ANKEF1: variants seen among roughly 807,000 people sequenced by gnomAD.
ANKEF1 encodes the protein ankyrin repeat and EF-hand domain containing 1, also known as ankyrin repeat and EF-hand domain-containing protein 1.
In ANKEF1, 43 loss-of-function variants were observed where a neutral mutation model predicts 65.1. That is an observed-to-expected ratio of 0.66 (90% CI 0.52 to 0.85). The LOEUF is 0.85. ANKEF1 is among the 40% of genes least tolerant of loss of function. The probability of loss-of-function intolerance (pLI) is 0.00; values close to 1 mark genes in which losing one functional copy is unlikely to be tolerated. For synonymous variants in ANKEF1, 316 were observed against 341.5 expected, an observed-to-expected ratio of 0.93 and a Z score of 0.82; for missense variants, 934 against 952.9, an observed-to-expected ratio of 0.98 and a Z score of 0.26.
chr20:10,049,618 G>T lies in ANKEF1; in HGVS notation c.1049G>T (p.Gly350Val). The change falls in exon 7 of 11, where the codon GGT becomes GTT. Residue 350 changes from glycine to valine, a missense_variant. Transcript: ENST00000378392. ...GAAGCCTTTGCGGTTTTAGACAGGG[G>T]TGATGGAAGCATCAGCAAGAACGAC... is the stretch of plus-strand genomic sequence containing the variant. ...LREAFAVLDR[G>V]DGSISKNDFV... The T allele has an allele frequency of 6.2e-7, 1 of 1,614,152 alleles. No individual in the cohort carries two copies. The highest frequency in any genetic ancestry group is 1.3e-5 in the African/African-American group (1 of 75,024).
At chr20:10,052,379 C>T (rs1045445236) in intron 8 of ANKEF1, among the ~76,000 whole-genome samples, 1 of 152,154 alleles carries the variant, frequency 6.6e-6, no homozygotes, top group Non-Finnish European at 1.5e-5. Context: ...ACCCTATAGA[C>T]TTTGGGTTTC....
At chr20:10,046,741 C>A (rs115021616) in intron 6 of ANKEF1, among the ~76,000 whole-genome samples, 2,051 of 152,184 alleles carry the variant, frequency 0.013, 41 homozygotes, top group African/African-American at 0.046. Context: ...TTAAAGTTCA[C>A]CAACTCTATA....
rs779921230 is a variant in ANKEF1, at chr20:10,049,560, G to A, written c.991G>A (p.Asp331Asn). The A allele has an allele frequency of 3.7e-6, 6 of 1,614,122 alleles. No individual in the cohort carries two copies. The highest frequency in any genetic ancestry group is 5.1e-6 in the Non-Finnish European group (6 of 1,180,020). ...PNPLWALRLHDWSVEREAFLR... is the reference protein window; with the variant it reads ...PNPLWALRLHNWSVEREAFLR... Reference sequence around the variant, plus strand: ...TCCACTGTGGGCCCTTAGACTGCACGATTGGTCCGTAGAACGTGAGGCTTT... The same window carrying A: ...TCCACTGTGGGCCCTTAGACTGCACAATTGGTCCGTAGAACGTGAGGCTTT... The change falls in exon 7 of 11, where the codon GAT becomes AAT. Residue 331 changes from aspartate to asparagine, a missense_variant. Transcript: ENST00000378392.
chr20:10,041,583 A>G (rs1231719535), intron 3 of ANKEF1, among the ~76,000 whole-genome samples: 4 of 152,158 alleles, frequency 2.6e-5, no homozygotes, highest in African/African-American at 9.7e-5. Flanking sequence ...TGCTTTACAT[A>G]ATATCTCAGT....
chr20:10,050,780 G>A (rs1984814799), intron 7 of ANKEF1, among the ~76,000 whole-genome samples: 1 of 152,290 alleles, frequency 6.6e-6, no homozygotes, highest in South Asian at 2.1e-4. Flanking sequence ...ATGGTGTGGA[G>A]TCACTTTTTA....
intron 8 of ANKEF1, 96 bp from the exon 9 acceptor site, chr20:10,053,014 TAG>T: frequency 8.0e-7 from 1 of 1,249,532 alleles, no homozygotes; most frequent in Non-Finnish European, 1.1e-6. Context: ...TCACCCTTAT[TAG>T]GGCAGGCTTA....
At position 10,056,943 on chromosome 20, in the gene ANKEF1, A is replaced by G. The variant is rs1236197920; in HGVS notation, c.*1283A>G. The G allele has an allele frequency of 6.6e-6, 1 of 152,198 alleles. No individual in the cohort carries two copies. Among genetic ancestry groups the G allele is most frequent in the Non-Finnish European group, 1.5e-5 (1 of 68,046 alleles). 9.4% of individuals were successfully genotyped at this position (152,198 alleles called of 1,614,324 possible). ...TTTGATTGAGTTACTGGGTGCTACA[A>G]CCTAGCCAAGTTGAGTCATAAAACT... On this transcript the variant is annotated 3_prime_UTR_variant, in exon 11 of 11. Transcript: ENST00000378392.
chr20:10,040,090 T>C (rs1984091697), intron 3 of ANKEF1, among the ~76,000 whole-genome samples: 2 of 152,130 alleles, frequency 1.3e-5, no homozygotes, highest in African/African-American at 4.8e-5. Context: ...AGGAAACAAA[T>C]CTCATGGGCA....
Position 10,044,403 on chromosome 20 carries a change from C to T in ANKEF1, c.556C>T (p.Arg186Cys), listed in dbSNP as rs139757926. ...ACTATTTCATGTCCAGTCCACAGGC[C>T]GCACAGCTTTAATGGAAGCGTCAAG... The part of the protein sequence containing the change: ...NPNAINSSTG[R>C]TALMEASREG... The change falls in exon 5 of 11, where the codon CGC becomes TGC. Residue 186 changes from arginine (R) to cysteine (C), a missense_variant. By Grantham distance (180) the Arg-to-Cys change is radical. Coordinates refer to ENST00000378392, the MANE Select transcript of ANKEF1 (RefSeq NM_022096.6). The T allele has an allele frequency of 3.5e-5, 57 of 1,613,766 alleles. No homozygotes were observed. The highest frequency in any genetic ancestry group is 8.0e-5 in the African/African-American group (6 of 74,874).
chr20:10,049,241 A>G lies in ANKEF1; in HGVS notation c.821-149A>G, dbSNP rs1984689064. 5.4e-6 allele frequency: 4 copies of G among 735,994 alleles called. No individual in the cohort carries two copies. In the East Asian group the frequency reaches 1.1e-4, roughly 20 times the overall value. The allele number at this position is 735,994 out of a possible 1,614,324, so 45.6% of individuals were successfully genotyped here. A position where few individuals can be genotyped will look rare whatever the true frequency, so the allele number is the denominator to read the frequency against. ...CACAGCTCAATTTTGTAATTATAAC[A>G]GCAAAATGTGCACATCTCTATATAC... is the stretch of plus-strand genomic sequence containing the variant. On this transcript the variant is annotated intron_variant, in intron 6 of 10. Transcript: ENST00000378392.
At chr20:10,054,392 A>C in intron 9 of ANKEF1, 70 bp from the exon 10 acceptor site, 1 of 1,291,884 alleles carries the variant, frequency 7.7e-7, no homozygotes, top group East Asian at 2.9e-5. Context: ...GTAAGATGTG[A>C]AACAGCAAAT....
At chr20:10,047,729 A>G (rs549649610) in intron 6 of ANKEF1, among the ~76,000 whole-genome samples, 1 of 152,324 alleles carries the variant, frequency 6.6e-6, no homozygotes, top group Non-Finnish European at 1.5e-5. Flanking sequence ...GAAGTTGAAC[A>G]ACTTTACCAC....
chr20:10,041,348 A>C (rs1010529813), intron 3 of ANKEF1, among the ~76,000 whole-genome samples: 1 of 151,802 alleles, frequency 6.6e-6, no homozygotes, highest in Non-Finnish European at 1.5e-5. Flanking sequence ...ATATGCCCTT[A>C]AACCTGTTTA....
intron 6 of ANKEF1, among the ~76,000 whole-genome samples, chr20:10,047,847 T>C (rs1984607867): frequency 6.6e-6 from 1 of 152,172 alleles, no homozygotes; most frequent in Admixed American, 6.5e-5. Flanking sequence ...CTTTAGCTCT[T>C]TAAAGTGGGA....
intron 6 of ANKEF1, among the ~76,000 whole-genome samples, chr20:10,048,880 A>G (rs1255490637): frequency 6.6e-6 from 1 of 152,212 alleles, no homozygotes; most frequent in East Asian, 1.9e-4. Flanking sequence ...GCAGATTAGT[A>G]TAAATTACAT....
intron 5 of ANKEF1, among the ~76,000 whole-genome samples, chr20:10,045,114 C>T (rs1984435563): frequency 6.6e-6 from 1 of 152,156 alleles, no homozygotes; most frequent in Non-Finnish European, 1.5e-5. Flanking sequence ...TAGTTATCTT[C>T]ATTTATATCA....
chr20:10,053,313 C>G, intron 9 of ANKEF1, 38 bp downstream of exon 9: 1 of 1,555,562 alleles, frequency 6.4e-7, no homozygotes, highest in African/African-American at 1.4e-5. Context: ...GTAACTGGAA[C>G]TCTTTAAAAA....
At chr20:10,036,427 A>G (rs972583631) in intron 2 of ANKEF1, among the ~76,000 whole-genome samples, 5 of 152,018 alleles carry the variant, frequency 3.3e-5, no homozygotes, top group African/African-American at 1.2e-4. Context: ...CGATAATAAT[A>G]AAACAAGCCA....
rs367815658 is a variant in ANKEF1 at position 10,053,140 on chromosome 20, A to G, written c.1899A>G (p.Ala633=). Residue 633 remains alanine (A), a synonymous_variant, in exon 9 of 11, where the codon GCA becomes GCG. Coordinates refer to ENST00000378392, the MANE Select transcript of ANKEF1 (RefSeq NM_022096.6). ...ATAGTGCCATGGACGTTGCAAAGGCATATGCTGATTATAGAATAATTGATC... is the reference window on the plus strand; with the variant it reads ...ATAGTGCCATGGACGTTGCAAAGGCGTATGCTGATTATAGAATAATTGATC... ...KGHSAMDVAK[A]YADYRIIDLI... 2.7e-5 allele frequency: 43 copies of G among 1,608,536 alleles called. No homozygotes were observed. Among genetic ancestry groups the G allele is most frequent in the Non-Finnish European group, 3.6e-5 (43 of 1,178,472 alleles).
Sources: gnomAD v4.1 joint callset for allele counts (sites outside exome capture counted in the v4.1 genomes callset) on GRCh38, gnomAD v4.1.1 for gene constraint, MANE v1.5 for transcripts, NCBI Gene and HGNC (gene_info 2026-07-23, HGNC 2026-07-21) for gene names.